Variants in HTR4 observed in about 807,000 individuals in gnomAD.
The protein encoded by HTR4 is 5-hydroxytryptamine (serotonin) receptor 4, G protein-coupled.
HTR4 carries 16 observed loss-of-function variants against 36.8 expected under a neutral mutation model. The ratio of observed to expected loss-of-function variants is 0.43; its 90% confidence interval spans 0.29 to 0.66. The LOEUF (loss-of-function observed/expected upper bound fraction) is 0.66, where lower values mean the gene tolerates loss of function less well. HTR4 is among the 30% of genes least tolerant of loss of function. The pLI, the probability that HTR4 is intolerant of heterozygous loss-of-function variation, is 0.13. For missense variants in HTR4, 438 were observed against 490.9 expected (o/e 0.89, Z 1.02); for synonymous variants, 189 against 185.1 (o/e 1.02, Z -0.17).
chr5:148,577,870 T>G (rs998421593), intron 2 of HTR4, among the ~76,000 whole-genome samples: 1 of 151,932 alleles, frequency 6.6e-6, no homozygotes, highest in Non-Finnish European at 1.5e-5. Flanking sequence ...TATTGGGTGC[T>G]GGGTTTAATT....
Position 148,483,249 on chromosome 5 carries a change from G to T in HTR4, c.1121C>A (p.Pro374Gln). 6.2e-7 allele frequency: 1 copy of T among 1,613,936 alleles called. No homozygotes were observed. ...CGGQWESQCH[P>Q]PATSPLVAAQ... ...AGCCACCAAAGGAGAAGTTGCTGGC[G>T]GGTGACACTGACTCTCCCACTGGCC... Residue 374 changes from proline to glutamine, a missense_variant, in exon 7 of 7, where the codon CCG becomes CAG. Transcript: ENST00000377888.
At chr5:148,603,688 A>G (rs1752018234) in intron 2 of HTR4, among the ~76,000 whole-genome samples, 1 of 152,118 alleles carries the variant, frequency 6.6e-6, no homozygotes, top group Non-Finnish European at 1.5e-5. Context: ...TACTAGATAC[A>G]AGGTTAATTT....
At chr5:148,651,393 G>C (rs1360781137) in intron 1 of HTR4, among the ~76,000 whole-genome samples, 1 of 152,122 alleles carries the variant, frequency 6.6e-6, no homozygotes. Context: ...TAAAAACTTT[G>C]TTGTCAGATG....
chr5:148,626,384 C>T (rs1753106108), intron 2 of HTR4, among the ~76,000 whole-genome samples: 1 of 152,206 alleles, frequency 6.6e-6, no homozygotes, highest in African/African-American at 2.4e-5. Flanking sequence ...CTAAAAGTCA[C>T]ACTAACTCAA....
Position 148,621,782 on chromosome 5 carries a change from ATTTCCT to A in HTR4, c.26+15201_26+15206del, listed in dbSNP as rs145201120. ...CCTGATGATGTACTTTCACCCTGAA[ATTTCCT>A]TTTCATTTATCCTTTTCAAAAAATG... is the stretch of plus-strand genomic sequence containing the variant. On this transcript the variant is annotated intron_variant, in intron 2 of 6. Transcript: ENST00000377888. Among the ~76,000 whole-genome samples, 98 of 152,238 alleles carry A rather than the reference ATTTCCT, an allele frequency of 6.4e-4. No homozygotes were observed. The East Asian group carries it at 0.019, about 29-fold the overall frequency.
At chr5:148,643,990 T>C (rs569047106) in intron 1 of HTR4, among the ~76,000 whole-genome samples, 1 of 152,302 alleles carries the variant, frequency 6.6e-6, no homozygotes, top group Admixed American at 6.5e-5. Context: ...TGCAGAGCAA[T>C]GGTTCTCAAG....
Position 148,654,303 on chromosome 5 carries a change from C to A in HTR4, c.-289G>T. The stretch of plus-strand genomic sequence containing the variant: ...CGGATCACCTGGGCTCGCCGCGCAT[C>A]GTCCTTCTCCCCAACCGAGCCGGAC... On this transcript the variant is annotated 5_prime_UTR_variant, in exon 1 of 7. Coordinates refer to ENST00000377888, the MANE Select transcript of HTR4 (RefSeq NM_000870.7). 6.1e-6 allele frequency: 6 copies of A among 984,694 alleles called. No individual in the cohort carries two copies. The highest frequency in any genetic ancestry group is 7.2e-6 in the Non-Finnish European group (6 of 829,326). 61.0% of individuals were successfully genotyped at this position (984,694 alleles called of 1,614,324 possible).
At chr5:148,605,402 G>A (rs995896745) in intron 2 of HTR4, among the ~76,000 whole-genome samples, 1 of 151,576 alleles carries the variant, frequency 6.6e-6, no homozygotes, top group Non-Finnish European at 1.5e-5. Flanking sequence ...GGGATTACAG[G>A]TGTCTGCCAC....
intron 2 of HTR4, among the ~76,000 whole-genome samples, chr5:148,606,567 C>G (rs766055395): frequency 6.6e-6 from 1 of 152,124 alleles, no homozygotes; most frequent in Non-Finnish European, 1.5e-5. Context: ...GCATGTAGAA[C>G]ATTTAGCACT....
chr5:148,477,859 T>C (rs1755748390), downstream of HTR4, among the ~76,000 whole-genome samples: 1 of 152,182 alleles, frequency 6.6e-6, no homozygotes, highest in East Asian at 1.9e-4. Flanking sequence ...GACTTGATAT[T>C]CCCTCAGATC....
intron 6 of HTR4, among the ~76,000 whole-genome samples, chr5:148,500,174 T>C (rs1374037988): frequency 1.3e-5 from 2 of 152,172 alleles, no homozygotes; most frequent in South Asian, 4.1e-4. Context: ...GACACCTATA[T>C]GGGGTTGTCA....
intron 6 of HTR4, among the ~76,000 whole-genome samples, chr5:148,501,889 C>T (rs1756950347): frequency 6.6e-6 from 1 of 151,920 alleles, no homozygotes; most frequent in Admixed American, 6.6e-5. Context: ...GAAACCCTGT[C>T]TCTACTAAAA....
intron 2 of HTR4, among the ~76,000 whole-genome samples, chr5:148,625,194 G>T (rs1232319514): frequency 6.6e-6 from 1 of 152,164 alleles, no homozygotes; most frequent in South Asian, 2.1e-4. Flanking sequence ...GAGTCAAAAA[G>T]GTGTTTGGAG....
At chr5:148,578,126 G>C (rs1474756548) in intron 2 of HTR4, among the ~76,000 whole-genome samples, 1 of 151,946 alleles carries the variant, frequency 6.6e-6, no homozygotes, top group Non-Finnish European at 1.5e-5. Context: ...AAATGCAACA[G>C]AATGATAAGA....
chr5:148,490,406 C>G (rs544299745), intron 6 of HTR4, among the ~76,000 whole-genome samples: 1 of 152,006 alleles, frequency 6.6e-6, no homozygotes, highest in African/African-American at 2.4e-5. Flanking sequence ...TTGACAGTAT[C>G]ATTTCTGACA....
chr5:148,520,096 T>A (rs1331981051), intron 5 of HTR4, among the ~76,000 whole-genome samples: 1 of 152,188 alleles, frequency 6.6e-6, no homozygotes, highest in Non-Finnish European at 1.5e-5. Flanking sequence ...AACCTAATCC[T>A]GTGTTTTCCC....
chr5:148,524,172 G>C (rs1166622610), intron 4 of HTR4, among the ~76,000 whole-genome samples: 1 of 152,086 alleles, frequency 6.6e-6, no homozygotes, highest in Non-Finnish European at 1.5e-5. Context: ...TTATTACTAA[G>C]TGTGAGTTAT....
At chr5:148,550,303 T>C in intron 2 of HTR4, 41 bp from the exon 3 acceptor site, 1 of 1,608,134 alleles carries the variant, frequency 6.2e-7, no homozygotes, top group Non-Finnish European at 8.5e-7. Flanking sequence ...AATGAAACTC[T>C]GGGACACAAG....
chr5:148,509,900 G>C lies in HTR4; in HGVS notation c.632C>G (p.Ala211Gly), dbSNP rs1264280626. ...AGCTGTGACATAGATGCGGTAATAG[G>C]CCAGCACCATGAGGAGAAATGGGAT... is the stretch of plus-strand genomic sequence containing the variant. ...FYIPFLLMVLAYYRIYVTAKE... is the reference protein window; with the variant it reads ...FYIPFLLMVLGYYRIYVTAKE... Residue 211 changes from alanine to glycine, a missense_variant, in exon 6 of 7, where the codon GCC becomes GGC. By Grantham distance (60) the Ala-to-Gly change is moderately conservative. Transcript: ENST00000377888. The C allele has an allele frequency of 6.2e-7, 1 of 1,613,996 alleles. No individual in the cohort carries two copies. The highest frequency in any genetic ancestry group is 1.7e-5 in the Admixed American group (1 of 59,976).
Sources: allele counts gnomAD v4.1 joint callset (sites outside exome capture counted in the v4.1 genomes callset), GRCh38; gene constraint gnomAD v4.1.1; transcripts MANE v1.5; gene names NCBI Gene and HGNC (gene_info 2026-07-23, HGNC 2026-07-21).